ATP6AP2: variants seen among roughly 807,000 people sequenced by gnomAD.
ATP6AP2 encodes renin receptor.
In ATP6AP2, 1 loss-of-function variant was observed where a neutral mutation model predicts 23.4. That is an observed-to-expected ratio of 0.04 (90% CI 0.02 to 0.20). ATP6AP2 has a LOEUF of 0.20. Ranked by LOEUF, ATP6AP2 falls within the 10% of genes least tolerant of loss-of-function variation. The pLI, the probability that ATP6AP2 is intolerant of heterozygous loss-of-function variation, is 1.00. For synonymous variants in ATP6AP2, 90 were observed against 97.1 expected (o/e 0.93, Z 0.43); for missense variants, 174 against 271.3 (o/e 0.64, Z 2.52).
chrX:40,593,157 G>T (rs757768179), intron 3 of ATP6AP2, among the ~76,000 whole-genome samples: 7 of 110,904 alleles, frequency 6.3e-5, no homozygotes, highest in African/African-American at 1.6e-4. Context: ...TGAGGCACGA[G>T]AATTACTTGA....
intron 1 of ATP6AP2, among the ~76,000 whole-genome samples, chrX:40,587,023 A>G (rs933958340): frequency 5.3e-5 from 6 of 112,628 alleles, no homozygotes; most frequent in African/African-American, 9.7e-5. Context: ...TAATCCCAGC[A>G]CATAGGGAGG....
chrX:40,601,867 A>G (rs1445800464), intron 8 of ATP6AP2, among the ~76,000 whole-genome samples: 1 of 112,550 alleles, frequency 8.9e-6, no homozygotes, highest in Non-Finnish European at 1.9e-5. Flanking sequence ...GTTTCTTTCT[A>G]AATTAAATTG....
chrX:40,591,528 G>A, intron 3 of ATP6AP2, 163 bp downstream of exon 3: 2 of 619,829 alleles, frequency 3.2e-6, no homozygotes, highest in South Asian at 5.6e-5. Flanking sequence ...AAAATTACAT[G>A]ATGATTGTAA....
intron 3 of ATP6AP2, among the ~76,000 whole-genome samples, chrX:40,593,705 A>G (rs1361133645): frequency 5.5e-5 from 6 of 109,769 alleles, no homozygotes; most frequent in Non-Finnish European, 1.1e-4. Flanking sequence ...ATGAGGTTTC[A>G]TCATGTTGGC....
chrX:40,598,626 A>G (rs994795539), intron 5 of ATP6AP2, 55 bp from the exon 6 acceptor site: 1 of 1,111,223 alleles, frequency 9.0e-7, no homozygotes. Flanking sequence ...AATGGCAAAT[A>G]AAGATCTCTG....
chrX:40,599,493 T>A, intron 6 of ATP6AP2, 99 bp from the exon 7 acceptor site: 2 of 1,001,655 alleles, frequency 2.0e-6, no homozygotes, highest in South Asian at 3.9e-5. Context: ...TGGTTTAGTT[T>A]AGCCTAGTTT....
chrX:40,589,890 C>A (rs1307460095), intron 2 of ATP6AP2: 1 of 112,134 alleles, frequency 8.9e-6, no homozygotes, highest in East Asian at 2.8e-4. Context: ...CTGAAAGGAA[C>A]TTTTCTCCAA....
At position 40,585,830 on chromosome X, in the gene ATP6AP2, C is replaced by T. The variant is rs73623097; in HGVS notation, c.38-3156C>T. Among the ~76,000 whole-genome samples, 82 of 110,904 alleles carry T rather than the reference C, an allele frequency of 7.4e-4. 1 individual carries two copies. The highest frequency in any genetic ancestry group is 2.6e-3 in the African/African-American group (80 of 30,484). On this transcript the variant is annotated intron_variant, in intron 1 of 8. Transcript: ENST00000636580. ...GAGATCCTTACCACTGCACTCCAAC[C>T]TGGGTGACAGCAAGACCCTGTCTCA... is the stretch of plus-strand genomic sequence containing the variant.
intron 1 of ATP6AP2, among the ~76,000 whole-genome samples, chrX:40,586,369 G>T (rs1292780397): frequency 8.9e-6 from 1 of 111,884 alleles, no homozygotes; most frequent in Non-Finnish European, 1.9e-5. Context: ...CTGAACACAG[G>T]ATTGTCTTAG....
chrX:40,599,672 G>A lies in ATP6AP2; in HGVS notation c.669G>A (p.Gly223=). 2.5e-6 allele frequency: 3 copies of A among 1,211,443 alleles called. No individual in the cohort carries two copies. The highest frequency in any genetic ancestry group is 3.4e-6 in the Non-Finnish European group (3 of 895,298). The change falls in exon 7 of 9, where the codon GGG becomes GGA. Residue 223 remains glycine, a synonymous_variant. Transcript: ENST00000636580. ...AGCTGGCAGGTTTGGATGAAATTGG[G>A]AAGCGTTATGGGGAAGACTCTGAAC... is the stretch of plus-strand genomic sequence containing the variant. The part of the protein sequence containing the change: ...SLELAGLDEI[G]KRYGEDSEQF...
At position 40,581,025 on chromosome X, in the gene ATP6AP2, C is replaced by T. The variant is rs1402694379; in HGVS notation, c.-41C>T. 1 of 1,161,576 alleles carries T rather than the reference C, an allele frequency of 8.6e-7. No homozygotes were observed. Among genetic ancestry groups the T allele is most frequent in the Admixed American group, 2.6e-5 (1 of 38,727 alleles). On this transcript the variant is annotated 5_prime_UTR_variant, in exon 1 of 9. Coordinates refer to ENST00000636580, the MANE Select transcript of ATP6AP2 (RefSeq NM_005765.3). ...GGCTGTCGCCCGTGTCCCGCCGGCC[C>T]GTTCCGTGTCGCCCCGCAGTGCTGC...
At chrX:40,585,229 A>G (rs1437638708) in intron 1 of ATP6AP2, among the ~76,000 whole-genome samples, 1 of 112,101 alleles carries the variant, frequency 8.9e-6, no homozygotes, top group Non-Finnish European at 1.9e-5. Context: ...TACATAATCT[A>G]TTACTATAGT....
At chrX:40,596,537 C>A (rs989512718) in intron 3 of ATP6AP2, among the ~76,000 whole-genome samples, 3 of 111,493 alleles carry the variant, frequency 2.7e-5, no homozygotes, top group African/African-American at 9.8e-5. Flanking sequence ...CTGTGTCGAT[C>A]TGGCTGGGCT....
At chrX:40,594,114 G>C (rs1350392487) in intron 3 of ATP6AP2, among the ~76,000 whole-genome samples, 7 of 112,165 alleles carry the variant, frequency 6.2e-5, no homozygotes, top group Non-Finnish European at 1.3e-4. Flanking sequence ...TGAGGTGATG[G>C]ATTTGTTCAT....
intron 1 of ATP6AP2, among the ~76,000 whole-genome samples, chrX:40,587,330 T>C (rs985492150): frequency 1.8e-5 from 2 of 112,383 alleles, no homozygotes; most frequent in Non-Finnish European, 3.8e-5. Flanking sequence ...TGGTTCCCCA[T>C]TTTTCTTAGT....
intron 1 of ATP6AP2, among the ~76,000 whole-genome samples, chrX:40,584,595 C>T (rs1926417573): frequency 9.0e-6 from 1 of 111,015 alleles, no homozygotes; most frequent in Non-Finnish European, 1.9e-5. Context: ...ATTCTCCTGC[C>T]TCAGTCTCCC....
intron 2 of ATP6AP2, 122 bp from the exon 3 acceptor site, chrX:40,591,112 C>T: frequency 2.3e-6 from 2 of 877,019 alleles, no homozygotes; most frequent in Non-Finnish European, 3.3e-6. Flanking sequence ...TGTTTACTTT[C>T]CCTGTGAATT....
chrX:40,594,572 T>C (rs1926730321), intron 3 of ATP6AP2, among the ~76,000 whole-genome samples: 1 of 112,737 alleles, frequency 8.9e-6, no homozygotes, highest in Non-Finnish European at 1.9e-5. Context: ...CATGGATGGC[T>C]CAGCGCATGG....
chrX:40,598,171 G>A (rs1169222565), intron 5 of ATP6AP2: 1 of 159,411 alleles, frequency 6.3e-6, no homozygotes, highest in Non-Finnish European at 1.2e-5. Context: ...TGCAGTGGAG[G>A]GAGCCACCTC....
Sources: gnomAD v4.1 joint callset for allele counts (sites outside exome capture counted in the v4.1 genomes callset) on GRCh38, gnomAD v4.1.1 for gene constraint, MANE v1.5 for transcripts, NCBI Gene and HGNC (gene_info 2026-07-23, HGNC 2026-07-21) for gene names.